SPATA6L: variants seen among roughly 807,000 people sequenced by gnomAD.
The protein encoded by SPATA6L is spermatogenesis associated 6 like.
Under a neutral mutation model 49.2 loss-of-function variants are expected in SPATA6L, and 68 were observed. The observed-to-expected ratio is 1.38, with a 90% CI of 1.14 to 1.69. The LOEUF (loss-of-function observed/expected upper bound fraction) is 1.69. Ranked by LOEUF, SPATA6L falls within the 40% of genes most tolerant of loss-of-function variation. SPATA6L has a pLI of 0.00. For missense variants in SPATA6L, 668 were observed against 464.3 expected (o/e 1.44, Z -4.03); for synonymous variants, 198 against 165.7 (o/e 1.19, Z -1.50).
intron 9 of SPATA6L, among the ~76,000 whole-genome samples, chr9:4,607,021 A>G (rs918090932): frequency 6.7e-6 from 1 of 150,330 alleles, no homozygotes; most frequent in Non-Finnish European, 1.5e-5. Flanking sequence ...AGCCGATGCA[A>G]TCAACTGGAA....
At chr9:4,620,004 T>G (rs1199995971) in intron 7 of SPATA6L, among the ~76,000 whole-genome samples, 2 of 152,170 alleles carry the variant, frequency 1.3e-5, no homozygotes, top group Non-Finnish European at 2.9e-5. Flanking sequence ...TTTTCTGGAC[T>G]GCTGATCCCC....
chr9:4,636,856 C>A (rs994481771), intron 3 of SPATA6L, among the ~76,000 whole-genome samples: 11 of 152,182 alleles, frequency 7.2e-5, no homozygotes, highest in Non-Finnish European at 1.3e-4. Context: ...CACGCTCCAG[C>A]CACAATGGAT....
In SPATA6L at chr9:4,599,497, G is replaced by C. The variant is rs1202282794; in HGVS notation, c.*1314C>G. On this transcript the variant is annotated 3_prime_UTR_variant, in exon 12 of 12. Coordinates refer to ENST00000682582, the MANE Select transcript of SPATA6L (RefSeq NM_001353486.2). ...TAAAAACTGAACAAGTTTTAGGGTA[G>C]TGTCTTACTCTATTCAGGCTGCTAT... 6.6e-6 allele frequency among the ~76,000 whole-genome samples: 1 copy of C among 152,230 alleles called. No homozygotes were observed. Among genetic ancestry groups the C allele is most frequent in the African/African-American group, 2.4e-5 (1 of 41,472 alleles).
At chr9:4,649,066 CACACACACA>C in intron 3 of SPATA6L, among the ~76,000 whole-genome samples, 1 of 22,800 alleles carries the variant, frequency 4.4e-5, no homozygotes, top group Non-Finnish European at 6.9e-5. Flanking sequence ...GAAATATACA[CACACACACA>C]CACACACACA....
Position 4,666,340 on chromosome 9 carries a change from G to C in SPATA6L, c.-90C>G, listed in dbSNP as rs1047469943. ...TTTTCTTAGTTTAGCTGAATACCTA[G>C]AGCAAATGTTCCCAGAAGCTTCCCC... is the stretch of plus-strand genomic sequence containing the variant. On this transcript the variant is annotated 5_prime_UTR_variant, in exon 1 of 12. Coordinates refer to ENST00000682582, the MANE Select transcript of SPATA6L (RefSeq NM_001353486.2). 7 of 1,381,846 alleles carry C rather than the reference G, an allele frequency of 5.1e-6. No homozygotes were observed. Among genetic ancestry groups the C allele is most frequent in the African/African-American group, 4.2e-5 (3 of 70,658 alleles). 85.6% of individuals were successfully genotyped at this position (1,381,846 alleles called of 1,614,324 possible).
intron 5 of SPATA6L, chr9:4,627,747 G>A (rs1830617110): frequency 1.6e-6 from 2 of 1,289,280 alleles, no homozygotes; most frequent in Non-Finnish European, 1.0e-6. Flanking sequence ...GACGCTTCAC[G>A]CTTACCAAAG....
At chr9:4,597,396 G>A (rs915180173), downstream of SPATA6L, among the ~76,000 whole-genome samples, 5 of 150,538 alleles carry the variant, frequency 3.3e-5, no homozygotes, top group South Asian at 2.1e-4. Context: ...TGAGGTGGGC[G>A]GAGCTAATGG....
intron 3 of SPATA6L, among the ~76,000 whole-genome samples, chr9:4,648,524 C>T (rs1019542231): frequency 5.3e-5 from 8 of 151,718 alleles, no homozygotes; most frequent in Non-Finnish European, 1.0e-4. Flanking sequence ...CTCGGTGAAA[C>T]CCCGTCTCTA....
chr9:4,609,395 CA>C, intron 9 of SPATA6L, among the ~76,000 whole-genome samples: 1 of 152,180 alleles, frequency 6.6e-6, no homozygotes, highest in Middle Eastern at 3.4e-3. Context: ...CAAAATTCCC[CA>C]AAAAATACTG....
intron 2 of SPATA6L, among the ~76,000 whole-genome samples, chr9:4,658,667 G>A (rs1040724714): frequency 2.0e-5 from 3 of 152,040 alleles, no homozygotes; most frequent in Admixed American, 6.6e-5. Flanking sequence ...CTACAGTTTT[G>A]TATCTTTGGG....
At chr9:4,647,639 C>A (rs552872395) in intron 3 of SPATA6L, among the ~76,000 whole-genome samples, 84 of 151,996 alleles carry the variant, frequency 5.5e-4, no homozygotes, top group African/African-American at 1.8e-3. Context: ...ACTTTTTAAA[C>A]TTTTCTTGAG....
Position 4,599,507 on chromosome 9 carries a change from C to A in SPATA6L, c.*1304G>T, listed in dbSNP as rs907976906. 6.6e-6 allele frequency among the ~76,000 whole-genome samples: 1 copy of A among 152,210 alleles called. No homozygotes were observed. The highest frequency in any genetic ancestry group is 2.4e-5 in the African/African-American group (1 of 41,458). On this transcript the variant is annotated 3_prime_UTR_variant, in exon 12 of 12. Coordinates refer to ENST00000682582, the MANE Select transcript of SPATA6L (RefSeq NM_001353486.2). ...ACAAGTTTTAGGGTAGTGTCTTACT[C>A]TATTCAGGCTGCTATAACAAAATGT...
At chr9:4,606,347 G>C (rs1280385428) in intron 9 of SPATA6L, among the ~76,000 whole-genome samples, 1 of 139,448 alleles carries the variant, frequency 7.2e-6, no homozygotes, top group Non-Finnish European at 1.5e-5. Context: ...TGGGGGCAGG[G>C]CACAGACAAA....
At chr9:4,601,692 G>A (rs554038534) in intron 11 of SPATA6L, among the ~76,000 whole-genome samples, 1 of 152,296 alleles carries the variant, frequency 6.6e-6, no homozygotes, top group South Asian at 2.1e-4. Flanking sequence ...GGAGGGACAG[G>A]AATTGGTGCT....
At chr9:4,612,651 C>T (rs539281282) in intron 9 of SPATA6L, among the ~76,000 whole-genome samples, 3 of 152,280 alleles carry the variant, frequency 2.0e-5, no homozygotes, top group African/African-American at 7.2e-5. Flanking sequence ...TGGTTAATGG[C>T]GGTCTTTACT....
intron 3 of SPATA6L, among the ~76,000 whole-genome samples, chr9:4,654,507 C>T (rs1837647981): frequency 6.6e-6 from 1 of 152,162 alleles, no homozygotes; most frequent in Non-Finnish European, 1.5e-5. Flanking sequence ...TCAATTAGAC[C>T]CTCTACCATG....
At chr9:4,636,278 C>T (rs1832791141) in intron 3 of SPATA6L, among the ~76,000 whole-genome samples, 1 of 152,128 alleles carries the variant, frequency 6.6e-6, no homozygotes, top group Admixed American at 6.5e-5. Context: ...TACATATTAA[C>T]ATATACATTT....
chr9:4,637,627 C>A lies in SPATA6L; in HGVS notation c.227-2228G>T, dbSNP rs1189976454. On this transcript the variant is annotated intron_variant, in intron 3 of 11. Coordinates refer to ENST00000682582, the MANE Select transcript of SPATA6L (RefSeq NM_001353486.2). The stretch of plus-strand genomic sequence containing the variant: ...CTCACTGTCAGCATCTTCAACAAGC[C>A]CCCTGAAATATCACTAACGGTAGAC... Among the ~76,000 whole-genome samples the A allele has an allele frequency of 2.0e-5, 3 of 152,204 alleles. No individual in the cohort carries two copies. The South Asian group carries it at 6.2e-4, about 32-fold the overall frequency.
In SPATA6L at chr9:4,599,620, C is replaced by T. The variant is rs920892041; in HGVS notation, c.*1191G>A. On this transcript the variant is annotated 3_prime_UTR_variant, in exon 12 of 12. Coordinates refer to ENST00000682582, the MANE Select transcript of SPATA6L (RefSeq NM_001353486.2). ...TCCAAGATCAGAATGTTGGCAGATG[C>T]AGAATCTGGTGAGGGCCCTCTTCCT... Among the ~76,000 whole-genome samples the T allele has an allele frequency of 1.3e-5, 2 of 152,200 alleles. No individual in the cohort carries two copies. Among genetic ancestry groups the T allele is most frequent in the Non-Finnish European group, 2.9e-5 (2 of 68,024 alleles).
Sources: allele counts gnomAD v4.1 joint callset (sites outside exome capture counted in the v4.1 genomes callset), GRCh38; gene constraint gnomAD v4.1.1; transcripts MANE v1.5; gene names NCBI Gene and HGNC (gene_info 2026-07-23, HGNC 2026-07-21).